The following TLL2 variants were observed in gnomAD, a reference collection of about 807,000 sequenced individuals.
The protein encoded by TLL2 is tolloid like 2.
A neutral mutation model predicts 123.0 loss-of-function variants in TLL2; 106 were observed. The observed-to-expected ratio is 0.86, with a 90% confidence interval of 0.74 to 1.01. TLL2 has a LOEUF of 1.01. TLL2 is among the 50% of genes least tolerant of loss of function. The pLI is 0.00. For synonymous variants in TLL2, 494 were observed against 516.8 expected (o/e 0.96, Z 0.60); for missense variants, 1,332 against 1,336.7 (o/e 1.00, Z 0.06).
At chr10:96,438,009 T>G (rs1035612600) in intron 3 of TLL2, among the ~76,000 whole-genome samples, 1 of 152,226 alleles carries the variant, frequency 6.6e-6, no homozygotes, top group Non-Finnish European at 1.5e-5. Context: ...CCATACCATC[T>G]TGATTACTGT....
At chr10:96,476,243 T>A (rs1456617967) in intron 2 of TLL2, among the ~76,000 whole-genome samples, 29,451 of 80,442 alleles carry the variant, frequency 0.37, 8,297 homozygotes, top group Middle Eastern at 0.5. Flanking sequence ...TATATATATT[T>A]TATTTTTGTT....
At chr10:96,486,903 T>A (rs531295696) in intron 1 of TLL2, among the ~76,000 whole-genome samples, 6 of 152,200 alleles carry the variant, frequency 3.9e-5, no homozygotes, top group African/African-American at 1.2e-4. Flanking sequence ...GCTGGCTTCG[T>A]CTCCATCTCC....
chr10:96,422,506 C>G (rs1362741135), intron 6 of TLL2, 43 bp downstream of exon 6: 1 of 1,609,188 alleles, frequency 6.2e-7, no homozygotes, highest in Non-Finnish European at 8.5e-7. Context: ...AGGTTGCCAC[C>G]TTCTCGACCG....
At position 96,432,825 on chromosome 10, in the gene TLL2, T is replaced by C; in HGVS notation, c.502A>G (p.Ile168Val). The C allele has an allele frequency of 6.2e-7, 1 of 1,613,990 alleles. No homozygotes were observed. Among genetic ancestry groups the C allele is most frequent in the Non-Finnish European group, 8.5e-7 (1 of 1,179,956 alleles). ...TACTGACCAGTGAAGTTCCCTCCAA[T>C]GACGTAGGGGATGACTCCTCCAGGC... ...IWPGGVIPYV[I>V]GGNFTGSQRA... Residue 168 changes from isoleucine (I) to valine (V), a missense_variant, in exon 4 of 21, where the codon ATT (isoleucine) becomes GTT (valine). Transcript: ENST00000357947.
chr10:96,399,692 A>T (rs891778078), intron 10 of TLL2, among the ~76,000 whole-genome samples: 1 of 152,232 alleles, frequency 6.6e-6, no homozygotes, highest in Non-Finnish European at 1.5e-5. Context: ...CTGCTTACCA[A>T]TGAGGACACG....
At chr10:96,412,002 C>T (rs927522214) in intron 8 of TLL2, among the ~76,000 whole-genome samples, 2 of 152,138 alleles carry the variant, frequency 1.3e-5, no homozygotes, top group Admixed American at 6.5e-5. Flanking sequence ...TACTATGTGG[C>T]TCCACAGTAT....
Position 96,364,645 on chromosome 10 carries a change from T to C in TLL2, c.*3443A>G, listed in dbSNP as rs1846007124. On this transcript the variant is annotated 3_prime_UTR_variant, in exon 21 of 21. Transcript: ENST00000357947. The stretch of plus-strand genomic sequence containing the variant: ...CTTTAATGAAACCATCCGTTCTAGG[T>C]AGAGACATATGTTAGGTCCTCTCCA... The C allele has an allele frequency of 6.6e-6, 1 of 152,628 alleles. No individual in the cohort carries two copies. The highest frequency in any genetic ancestry group is 2.1e-4 in the South Asian group (1 of 4,826). 9.5% of individuals were successfully genotyped at this position (152,628 alleles called of 1,614,324 possible). A position where few individuals can be genotyped will look rare whatever the true frequency, so the allele number is the denominator to read the frequency against.
intron 1 of TLL2, 79 bp downstream of exon 1, chr10:96,513,432 G>T (rs1271106700): frequency 5.7e-6 from 9 of 1,574,178 alleles, no homozygotes; most frequent in Admixed American, 1.7e-5. Context: ...CCCCATAGAC[G>T]GTAGTGCAGG....
chr10:96,383,803 T>G (rs1365725609), intron 16 of TLL2, among the ~76,000 whole-genome samples: 2 of 128,646 alleles, frequency 1.6e-5, no homozygotes, highest in South Asian at 4.9e-4. Context: ...TTTTTTTTTT[T>G]TGTATTTTTA....
In TLL2 at chr10:96,373,733, C is replaced by T. The variant is rs747254343; in HGVS notation, c.2525G>A (p.Ser842Asn). 1.9e-5 allele frequency: 31 copies of T among 1,614,140 alleles called. No individual in the cohort carries two copies. The Admixed American group carries it at 2.7e-4, about 14-fold the overall frequency. ...GAAACGGCCCAGAATGGGGGCCAGGCTGTCCGGCCCGTCATACATTTCCAG... is the reference window on the plus strand; with the variant it reads ...GAAACGGCCCAGAATGGGGGCCAGGTTGTCCGGCCCGTCATACATTTCCAG... ...DHLEMYDGPD[S>N]LAPILGRFCG... is the part of the protein sequence containing the mutation. Residue 842 changes from serine (S) to asparagine (N), a missense_variant, in exon 19 of 21, where the codon AGC becomes AAC. Coordinates refer to ENST00000357947, the MANE Select transcript of TLL2 (RefSeq NM_012465.4).
At chr10:96,401,247 C>T (rs1846390780) in intron 10 of TLL2, among the ~76,000 whole-genome samples, 1 of 152,186 alleles carries the variant, frequency 6.6e-6, no homozygotes. Flanking sequence ...ATGCGATGCA[C>T]AGTTTTCAGA....
intron 10 of TLL2, among the ~76,000 whole-genome samples, chr10:96,404,601 G>A (rs893810583): frequency 1.4e-4 from 21 of 151,914 alleles, no homozygotes; most frequent in African/African-American, 3.9e-4. Flanking sequence ...TTTTGGACAC[G>A]ATATTTGGTG....
chr10:96,504,007 G>A (rs917038410), intron 1 of TLL2, among the ~76,000 whole-genome samples: 32 of 152,170 alleles, frequency 2.1e-4, no homozygotes, highest in African/African-American at 7.2e-4. Flanking sequence ...TCTCAATGTC[G>A]TGTGCAGGTC....
intron 4 of TLL2, among the ~76,000 whole-genome samples, chr10:96,429,854 T>C (rs1227053813): frequency 6.6e-6 from 1 of 152,232 alleles, no homozygotes; most frequent in Non-Finnish European, 1.5e-5. Context: ...TGGTATTTCC[T>C]TGAGTGGAAA....
chr10:96,410,384 C>T lies in TLL2; in HGVS notation c.1139G>A (p.Arg380Lys). 1 of 1,613,664 alleles carries T rather than the reference C, an allele frequency of 6.2e-7. No homozygotes were observed. Among genetic ancestry groups the T allele is most frequent in the Non-Finnish European group, 8.5e-7 (1 of 1,180,028 alleles). The change falls in exon 9 of 21, where the codon AGG (arginine) becomes AAG (lysine). Residue 380 changes from arginine to lysine, a missense_variant. Coordinates refer to ENST00000357947, the MANE Select transcript of TLL2 (RefSeq NM_012465.4). ...GYPSYSHCVW[R>K]ISVTPGEKIV... ...CTTTTCCCCTGGGGTGACCGAGATC[C>T]TCCAGACGCAGTGGGAGTAAGATGG...
Position 96,467,012 on chromosome 10 carries a change from ATTAGT to A in TLL2, c.286+13332_286+13336del, listed in dbSNP as rs1847138377. On this transcript the variant is annotated intron_variant, in intron 2 of 20. Transcript: ENST00000357947. ...AATGGTGGCACTGGTTTTATAAAAA[ATTAGT>A]TTAGTTCATTATCATGCCCAGTAAG... 2.0e-5 allele frequency among the ~76,000 whole-genome samples: 3 copies of A among 152,324 alleles called. No homozygotes were observed. In the South Asian group the frequency reaches 6.2e-4, roughly 32 times the overall value.
At chr10:96,414,343 A>G (rs1438180640) in intron 7 of TLL2, among the ~76,000 whole-genome samples, 2 of 151,982 alleles carry the variant, frequency 1.3e-5, no homozygotes, top group Non-Finnish European at 2.9e-5. Context: ...TCACTTCTCA[A>G]TCCACCTGTG....
intron 1 of TLL2, among the ~76,000 whole-genome samples, chr10:96,501,962 A>G (rs966365815): frequency 6.6e-6 from 1 of 152,256 alleles, no homozygotes; most frequent in Non-Finnish European, 1.5e-5. Context: ...GTCATTGAAC[A>G]ATAATACTCA....
chr10:96,373,494 C>T (rs990933122), intron 19 of TLL2, 102 bp downstream of exon 19: 9 of 1,146,956 alleles, frequency 7.8e-6, no homozygotes, highest in Admixed American at 1.9e-5. Flanking sequence ...CCCTCGCCCT[C>T]CCCCAGTCAG....
Sources: gnomAD v4.1 joint callset for allele counts (sites outside exome capture counted in the v4.1 genomes callset) on GRCh38, gnomAD v4.1.1 for gene constraint, MANE v1.5 for transcripts, NCBI Gene and HGNC (gene_info 2026-07-23, HGNC 2026-07-21) for gene names.